The following CACNA2D3 variants were observed in gnomAD, a reference collection of about 807,000 sequenced individuals.
CACNA2D3 encodes the protein voltage-dependent calcium channel subunit alpha-2/delta-3.
A neutral mutation model predicts 160.6 loss-of-function variants in CACNA2D3; 60 were observed. That is an observed-to-expected ratio of 0.37 (90% CI 0.30 to 0.46). CACNA2D3 has a LOEUF of 0.46. Among genes scored for constraint, CACNA2D3 ranks in the 20% least tolerant of loss-of-function variants. CACNA2D3 has a pLI of 1.00. For missense variants in CACNA2D3, 1,205 were observed against 1,365.0 expected, an observed-to-expected ratio of 0.88 and a Z score of 1.85; for synonymous variants, 558 against 492.9, an observed-to-expected ratio of 1.13 and a Z score of -1.75.
At chr3:54,606,662 G>A (rs1039248355) in intron 9 of CACNA2D3, among the ~76,000 whole-genome samples, 7 of 152,124 alleles carry the variant, frequency 4.6e-5, no homozygotes, top group Non-Finnish European at 1.0e-4. Context: ...TGAATTCGGA[G>A]GCTCCCGCTC....
chr3:54,671,256 ACTGT>A (rs1008336804), intron 11 of CACNA2D3, among the ~76,000 whole-genome samples: 7 of 151,630 alleles, frequency 4.6e-5, no homozygotes, highest in East Asian at 1.9e-4. Context: ...AGTCAAAGAA[ACTGT>A]CTGATTGTTT....
chr3:54,698,537 C>A (rs1381231674), intron 11 of CACNA2D3, among the ~76,000 whole-genome samples: 1 of 152,036 alleles, frequency 6.6e-6, no homozygotes, highest in East Asian at 1.9e-4. Context: ...TGTTTTTGGT[C>A]CCCATTGATT....
At chr3:54,625,116 A>C (rs984935899) in intron 9 of CACNA2D3, among the ~76,000 whole-genome samples, 6 of 152,188 alleles carry the variant, frequency 3.9e-5, no homozygotes, top group African/African-American at 1.2e-4. Flanking sequence ...GAGACTGCCT[A>C]GTTCCCTGGC....
chr3:54,178,471 C>A (rs1214036343), intron 2 of CACNA2D3, among the ~76,000 whole-genome samples: 3 of 152,194 alleles, frequency 2.0e-5, no homozygotes, highest in African/African-American at 7.2e-5. Context: ...TCCTGAGTCT[C>A]CACACTGGCA....
intron 5 of CACNA2D3, among the ~76,000 whole-genome samples, chr3:54,516,604 G>T (rs1250741335): frequency 1.3e-5 from 2 of 152,200 alleles, no homozygotes; most frequent in African/African-American, 4.8e-5. Context: ...TACAGAGATT[G>T]AGGGTGCATA....
At chr3:54,775,955 C>T (rs1372784741) in intron 13 of CACNA2D3, among the ~76,000 whole-genome samples, 1 of 152,208 alleles carries the variant, frequency 6.6e-6, no homozygotes, top group Non-Finnish European at 1.5e-5. Context: ...GTCCCTCCTA[C>T]TTGCCATCCC....
chr3:54,837,096 G>T (rs1304630112), intron 14 of CACNA2D3, 63 bp from the exon 15 acceptor site: 1 of 1,378,234 alleles, frequency 7.3e-7, no homozygotes, highest in African/African-American at 1.4e-5. Context: ...TGTCAAGGGG[G>T]TGGCCTCCAG....
chr3:55,046,067 T>G (rs1056559576), intron 35 of CACNA2D3, among the ~76,000 whole-genome samples: 3 of 151,400 alleles, frequency 2.0e-5, no homozygotes, highest in African/African-American at 7.3e-5. Context: ...TCCTAAAAAT[T>G]TTGATAGGTT....
chr3:54,778,540 T>C (rs1257179911), intron 13 of CACNA2D3, among the ~76,000 whole-genome samples: 2 of 152,196 alleles, frequency 1.3e-5, no homozygotes, highest in Non-Finnish European at 2.9e-5. Flanking sequence ...GGGGCATTGA[T>C]GGCCTGTTTC....
At chr3:55,008,777 G>A (rs1206705178) in intron 33 of CACNA2D3, among the ~76,000 whole-genome samples, 1 of 151,990 alleles carries the variant, frequency 6.6e-6, no homozygotes, top group Non-Finnish European at 1.5e-5. Context: ...TCCACTGGAG[G>A]ATAATTTATA....
At chr3:54,800,986 C>A (rs1399132171) in intron 13 of CACNA2D3, among the ~76,000 whole-genome samples, 1 of 140,758 alleles carries the variant, frequency 7.1e-6, no homozygotes, top group South Asian at 2.3e-4. Flanking sequence ...ACTGGAATAT[C>A]TTTTTTTTTT....
chr3:54,607,065 G>A (rs959268913), intron 9 of CACNA2D3, among the ~76,000 whole-genome samples: 1 of 152,180 alleles, frequency 6.6e-6, no homozygotes, highest in African/African-American at 2.4e-5. Context: ...AGCCAGAGAA[G>A]CAGTAAGTGG....
At chr3:54,954,390 T>G (rs969807795) in intron 27 of CACNA2D3, among the ~76,000 whole-genome samples, 1 of 152,214 alleles carries the variant, frequency 6.6e-6, no homozygotes, top group Admixed American at 6.5e-5. Context: ...TGCTTTCACA[T>G]TCTTCCCAGC....
chr3:54,158,461 C>G (rs1700282209), intron 2 of CACNA2D3, among the ~76,000 whole-genome samples: 1 of 152,124 alleles, frequency 6.6e-6, no homozygotes, highest in Non-Finnish European at 1.5e-5. Flanking sequence ...CAGCCCACCC[C>G]AGTGAGAATT....
chr3:55,019,065 A>G (rs1285202306), intron 35 of CACNA2D3, among the ~76,000 whole-genome samples: 2 of 128,660 alleles, frequency 1.6e-5, no homozygotes, highest in Non-Finnish European at 3.0e-5. Flanking sequence ...CTACAGGCAC[A>G]CAATGCATAG....
intron 2 of CACNA2D3, among the ~76,000 whole-genome samples, chr3:54,317,599 G>A (rs900453264): frequency 5.3e-5 from 8 of 151,996 alleles, no homozygotes; most frequent in African/African-American, 1.2e-4. Flanking sequence ...GTGCAATGGC[G>A]CGATCGCGGC....
intron 5 of CACNA2D3, among the ~76,000 whole-genome samples, chr3:54,534,178 A>G (rs1701850330): frequency 6.6e-6 from 1 of 152,080 alleles, no homozygotes; most frequent in Non-Finnish European, 1.5e-5. Flanking sequence ...TCTTGCTTGC[A>G]CCTCTGTTTC....
At chr3:54,995,960 G>T (rs1337214638) in intron 31 of CACNA2D3, among the ~76,000 whole-genome samples, 2 of 152,186 alleles carry the variant, frequency 1.3e-5, no homozygotes, top group African/African-American at 4.8e-5. Flanking sequence ...AACACAGATT[G>T]TCATAGCCAC....
intron 36 of CACNA2D3, 71 bp downstream of exon 36, chr3:55,073,628 G>A (rs1704869102): frequency 1.0e-5 from 14 of 1,343,238 alleles, no homozygotes; most frequent in Non-Finnish European, 1.5e-5. Flanking sequence ...AAGGAAACCT[G>A]GGGGAGAAAT....
Sources: gnomAD v4.1 joint callset for allele counts (sites outside exome capture counted in the v4.1 genomes callset) on GRCh38, gnomAD v4.1.1 for gene constraint, MANE v1.5 for transcripts, NCBI Gene and HGNC (gene_info 2026-07-23, HGNC 2026-07-21) for gene names.